Variants in MACO1 observed in about 807,000 individuals in gnomAD.
MACO1 encodes the protein macoilin.
A neutral mutation model predicts 78.7 loss-of-function variants in MACO1; 14 were observed. That is an observed-to-expected ratio of 0.18 (90% CI 0.12 to 0.28). MACO1 has a LOEUF of 0.28. MACO1 is among the 10% of genes least tolerant of loss of function. The pLI, the probability that MACO1 is intolerant of heterozygous loss-of-function variation, is 1.00. For synonymous variants in MACO1, 288 were observed against 291.6 expected, an observed-to-expected ratio of 0.99 and a Z score of 0.12; for missense variants, 501 against 799.0, an observed-to-expected ratio of 0.63 and a Z score of 4.50.
At chr1:25,450,174 A>G (rs2043052916) in intron 3 of MACO1, among the ~76,000 whole-genome samples, 1 of 152,210 alleles carries the variant, frequency 6.6e-6, no homozygotes, top group Non-Finnish European at 1.5e-5. Context: ...ATTTAAAGAC[A>G]CTGTCATAAC....
At chr1:25,443,616 G>A (rs892901562) in intron 1 of MACO1, among the ~76,000 whole-genome samples, 1 of 152,186 alleles carries the variant, frequency 6.6e-6, no homozygotes, top group Non-Finnish European at 1.5e-5. Context: ...AACAAAGATG[G>A]TAATTTTTGA....
intron 3 of MACO1, among the ~76,000 whole-genome samples, chr1:25,449,385 A>G (rs912160948): frequency 6.6e-6 from 1 of 152,204 alleles, no homozygotes; most frequent in Non-Finnish European, 1.5e-5. Context: ...ACCTACAGTG[A>G]CAAGGAACTT....
intron 1 of MACO1, among the ~76,000 whole-genome samples, chr1:25,440,284 A>G (rs1301808044): frequency 6.6e-6 from 1 of 151,044 alleles, no homozygotes; most frequent in Admixed American, 6.6e-5. Context: ...CCGTAGTCCT[A>G]ATTACTCTGG....
Position 25,498,363 on chromosome 1 carries a change from G to C in MACO1, c.1892G>C (p.Ser631Thr). ...AGCATAACATACAGTGCCGCCACCA[G>C]CCCCCTGAGCCCTGTTTCCCCCCAC... ...MPSITYSAATSPLSPVSPHYS... is the reference protein window; with the variant it reads ...MPSITYSAATTPLSPVSPHYS... Residue 631 changes from serine to threonine, a missense_variant, in exon 11 of 11, where the codon AGC becomes ACC. Transcript: ENST00000374343. The C allele has an allele frequency of 6.2e-7, 1 of 1,614,008 alleles. No individual in the cohort carries two copies. Among genetic ancestry groups the C allele is most frequent in the Middle Eastern group, 1.6e-4 (1 of 6,062 alleles).
intron 2 of MACO1, 124 bp downstream of exon 2, chr1:25,447,027 C>G (rs1451878686): frequency 8.4e-7 from 1 of 1,188,076 alleles, no homozygotes; most frequent in African/African-American, 1.5e-5. Context: ...CTGAAATTGA[C>G]CTCTAAACTA....
intron 6 of MACO1, among the ~76,000 whole-genome samples, chr1:25,476,465 G>T (rs1035267506): frequency 6.6e-6 from 1 of 152,196 alleles, no homozygotes; most frequent in African/African-American, 2.4e-5. Flanking sequence ...CTGAAGCAGG[G>T]TCATGTTAGT....
rs539907879 is a variant in MACO1 at position 25,499,446 on chromosome 1, T to G, written c.*980T>G. ...ATAAAAGCTGCGGGTCTAGGTTTTT[T>G]TTTTTTTGTTTTGTTTTTTCATTTC... On this transcript the variant is annotated 3_prime_UTR_variant, in exon 11 of 11. Transcript: ENST00000374343. The G allele has an allele frequency of 8.5e-5, 13 of 152,074 alleles. No individual in the cohort carries two copies. In the East Asian group the frequency reaches 1.9e-3, roughly 23 times the overall value. The allele number at this position is 152,074 out of a possible 1,614,324, so 9.4% of individuals were successfully genotyped here. A position where few individuals can be genotyped will look rare whatever the true frequency, so the allele number is the denominator to read the frequency against.
intron 6 of MACO1, among the ~76,000 whole-genome samples, chr1:25,471,336 C>T: frequency 9.3e-6 from 1 of 107,330 alleles, no homozygotes; most frequent in African/African-American, 3.8e-5. Flanking sequence ...AAGACTCTGT[C>T]TCAACAAAAA....
intron 4 of MACO1, among the ~76,000 whole-genome samples, chr1:25,456,146 T>C (rs1173974223): frequency 1.3e-5 from 2 of 151,272 alleles, no homozygotes; most frequent in Admixed American, 1.3e-4. Flanking sequence ...TAGTCCCAGC[T>C]ACTCAGGAGG....
chr1:25,498,169 C>G lies in MACO1; in HGVS notation c.1793-95C>G, dbSNP rs2043554218. 5 of 1,277,418 alleles carry G rather than the reference C, an allele frequency of 3.9e-6. No homozygotes were observed. In the Admixed American group the frequency reaches 7.6e-5, roughly 19 times the overall value. 79.1% of individuals were successfully genotyped at this position (1,277,418 alleles called of 1,614,324 possible). A position where few individuals can be genotyped will look rare whatever the true frequency, so the allele number is the denominator to read the frequency against. On this transcript the variant is annotated intron_variant, in intron 10 of 10. Coordinates refer to ENST00000374343, the MANE Select transcript of MACO1 (RefSeq NM_018202.6). ...ATAAATCACTGAACCTGGAGCTGTT[C>G]ACACTGAACCGAATCTACTTAGGGA...
intron 6 of MACO1, among the ~76,000 whole-genome samples, chr1:25,470,735 A>C (rs1458726365): frequency 1.3e-5 from 2 of 152,192 alleles, no homozygotes; most frequent in Non-Finnish European, 2.9e-5. Flanking sequence ...TCCATGGAAA[A>C]ATATGGGTAG....
chr1:25,437,838 G>C (rs1186407645), intron 1 of MACO1, among the ~76,000 whole-genome samples: 2 of 152,090 alleles, frequency 1.3e-5, no homozygotes, highest in South Asian at 2.1e-4. Flanking sequence ...GGAGGATCAC[G>C]TGAGCCCAGG....
At chr1:25,446,687 C>A (rs1041840888) in intron 1 of MACO1, 75 bp from the exon 2 acceptor site, 2 of 1,419,362 alleles carry the variant, frequency 1.4e-6, no homozygotes, top group Non-Finnish European at 1.9e-6. Flanking sequence ...TCGTTTTAAA[C>A]AGAAACAGTG....
At chr1:25,461,690 C>T (rs188984778) in intron 6 of MACO1, among the ~76,000 whole-genome samples, 2 of 151,932 alleles carry the variant, frequency 1.3e-5, no homozygotes, top group Non-Finnish European at 2.9e-5. Context: ...ATCATACTTT[C>T]AAGCCATATT....
intron 2 of MACO1, among the ~76,000 whole-genome samples, chr1:25,447,577 T>A (rs2043027263): frequency 1.3e-5 from 2 of 152,202 alleles, no homozygotes; most frequent in Admixed American, 1.3e-4. Flanking sequence ...ATCTCTTTAA[T>A]ATTTGGCTCA....
chr1:25,483,817 TG>T (rs1356272989), intron 6 of MACO1, among the ~76,000 whole-genome samples: 1 of 152,254 alleles, frequency 6.6e-6, no homozygotes, highest in Non-Finnish European at 1.5e-5. Context: ...CCCTCTCTGC[TG>T]TCCCTTTCTC....
chr1:25,454,411 T>C (rs2043096798), intron 4 of MACO1, 29 bp downstream of exon 4: 2 of 1,437,304 alleles, frequency 1.4e-6, no homozygotes, highest in East Asian at 4.9e-5. Flanking sequence ...TATGTGTGTG[T>C]GTGTGTATAT....
At position 25,440,195 on chromosome 1, in the gene MACO1, A is replaced by G. The variant is rs113357585; in HGVS notation, c.81-6567A>G. Among the ~76,000 whole-genome samples, 349 of 145,544 alleles carry G rather than the reference A, an allele frequency of 2.4e-3. 2 individuals carry two copies. Among genetic ancestry groups the G allele is most frequent in the Middle Eastern group, 0.011 (3 of 284 alleles). The stretch of plus-strand genomic sequence containing the variant: ...TTGAGCCCAGGATCTTGCTATGTTG[A>G]CCAATCTGGGCAACATAGCAACATC... On this transcript the variant is annotated intron_variant, in intron 1 of 10. Coordinates refer to ENST00000374343, the MANE Select transcript of MACO1 (RefSeq NM_018202.6).
chr1:25,495,347 TG>T (rs1260937442), intron 10 of MACO1, among the ~76,000 whole-genome samples: 2 of 152,224 alleles, frequency 1.3e-5, no homozygotes. Context: ...TTCCTGTTAC[TG>T]ATTAAAGAAA....
Sources: gnomAD v4.1 joint callset for allele counts (sites outside exome capture counted in the v4.1 genomes callset) on GRCh38, gnomAD v4.1.1 for gene constraint, MANE v1.5 for transcripts, NCBI Gene and HGNC (gene_info 2026-07-23, HGNC 2026-07-21) for gene names.